Variants in MORN3 observed in about 807,000 individuals in gnomAD.
MORN3 encodes MORN repeat-containing protein 3.
In MORN3, 38 loss-of-function variants were observed where a neutral mutation model predicts 34.7. The ratio of observed to expected loss-of-function variants is 1.10; its 90% CI spans 0.85 to 1.44. The LOEUF (loss-of-function observed/expected upper bound fraction) is 1.44, where lower values mean the gene tolerates loss of function less well. Among genes scored for constraint, MORN3 ranks in the 40% most tolerant of loss-of-function variants. The pLI, the probability that MORN3 is intolerant of heterozygous loss-of-function variation, is 0.00. For missense variants in MORN3, 311 were observed against 321.7 expected (o/e 0.97, Z 0.25); for synonymous variants, 109 against 115.3 (o/e 0.95, Z 0.35).
Position 121,669,217 on chromosome 12 carries a change from C to G in MORN3, c.145+122G>C, listed in dbSNP as rs1420023114. Reference sequence around the variant, plus strand: ...CCAGCTGGCCTGGGCCAGCGCTCACCCTGGGGGAGCCTTGGGGACACATCT... The same window carrying G: ...CCAGCTGGCCTGGGCCAGCGCTCACGCTGGGGGAGCCTTGGGGACACATCT... On this transcript the variant is annotated intron_variant, in intron 1 of 5. Coordinates refer to ENST00000355329, the MANE Select transcript of MORN3 (RefSeq NM_173855.5). 8 of 1,363,802 alleles carry G rather than the reference C, an allele frequency of 5.9e-6. No individual in the cohort carries two copies. The African/African-American group carries it at 1.1e-4, about 19-fold the overall frequency. 84.5% of individuals were successfully genotyped at this position (1,363,802 alleles called of 1,614,324 possible). A position where few individuals can be genotyped will look rare whatever the true frequency, so the allele number is the denominator to read the frequency against.
Position 121,652,085 on chromosome 12 carries a change from TCCCCC to T in MORN3, c.*7-446_*7-442del, listed in dbSNP as rs1555325149. 1.1e-4 allele frequency among the ~76,000 whole-genome samples: 17 copies of T among 151,674 alleles called. No individual in the cohort carries two copies. The East Asian group carries it at 3.3e-3, about 29-fold the overall frequency. ...TGAGTAGCTGGAATTACAGGTGCCC[TCCCCC>T]ACGCCCAGCTAATTTTTGTGTTTTT... On this transcript the variant is annotated intron_variant, in intron 5 of 5. Transcript: ENST00000355329.
intron 4 of MORN3, 109 bp downstream of exon 4, chr12:121,652,966 C>T: frequency 6.9e-7 from 1 of 1,442,010 alleles, no homozygotes; most frequent in East Asian, 2.5e-5. Flanking sequence ...TTGTCTGTTC[C>T]CTGTCTGGGC....
intron 2 of MORN3, among the ~76,000 whole-genome samples, chr12:121,658,683 A>G (rs1893486409): frequency 6.6e-6 from 1 of 151,818 alleles, no homozygotes; most frequent in Admixed American, 6.6e-5. Context: ...GGATTCCTCC[A>G]CACTTGTGGG....
chr12:121,654,221 C>A, intron 3 of MORN3, 53 bp downstream of exon 3: 1 of 1,354,336 alleles, frequency 7.4e-7, no homozygotes, highest in Non-Finnish European at 9.8e-7. Flanking sequence ...GTGGCCAGCT[C>A]GCTGCCGGGG....
chr12:121,670,290 A>G (rs187782993), upstream of MORN3, among the ~76,000 whole-genome samples: 128 of 152,286 alleles, frequency 8.4e-4, no homozygotes, highest in African/African-American at 2.9e-3. Context: ...GGGAGTGGGG[A>G]AACAATCTCA....
chr12:121,660,948 C>A (rs1434599778), intron 1 of MORN3, among the ~76,000 whole-genome samples: 1 of 151,986 alleles, frequency 6.6e-6, no homozygotes, highest in Admixed American at 6.6e-5. Context: ...GGATTACAGG[C>A]GTGAGCCACC....
chr12:121,659,375 G>A, intron 1 of MORN3, 27 bp from the exon 2 acceptor site: 1 of 1,608,940 alleles, frequency 6.2e-7, no homozygotes, highest in Non-Finnish European at 8.5e-7. Flanking sequence ...GGGCAATGCT[G>A]CAGACATGGC....
At chr12:121,661,727 T>TACAAAAAG (rs1364972753) in intron 1 of MORN3, among the ~76,000 whole-genome samples, 1 of 151,940 alleles carries the variant, frequency 6.6e-6, no homozygotes, top group African/African-American at 2.4e-5. Flanking sequence ...AATACAAAAA[T>TACAAAAAG]TAGCTGGGCG....
upstream of MORN3, chr12:121,672,519 C>G (rs746878137): frequency 1.3e-5 from 2 of 152,296 alleles, no homozygotes; most frequent in Non-Finnish European, 2.9e-5. Context: ...AACCAGACGG[C>G]TTGGGGTCAG....
chr12:121,662,812 G>A (rs537803567), intron 1 of MORN3, among the ~76,000 whole-genome samples: 10 of 151,686 alleles, frequency 6.6e-5, no homozygotes, highest in East Asian at 1.9e-4. Context: ...AGGCTGAAGC[G>A]GGCAGATCAC....
At chr12:121,664,600 G>A (rs916811790) in intron 1 of MORN3, among the ~76,000 whole-genome samples, 1 of 152,120 alleles carries the variant, frequency 6.6e-6, no homozygotes, top group African/African-American at 2.4e-5. Context: ...CTCTACTGAA[G>A]ATACAAAAAT....
At chr12:121,664,468 G>T (rs1893679750) in intron 1 of MORN3, among the ~76,000 whole-genome samples, 1 of 152,172 alleles carries the variant, frequency 6.6e-6, no homozygotes. Flanking sequence ...GTTTGAAAAT[G>T]ATGGTTGCAG....
chr12:121,654,553 C>T (rs1555325526), intron 2 of MORN3, 120 bp from the exon 3 acceptor site: 8 of 1,111,058 alleles, frequency 7.2e-6, no homozygotes, highest in African/African-American at 1.6e-5. Flanking sequence ...CTCAGCCCTA[C>T]GTCCAAGCGG....
chr12:121,652,816 G>A lies in MORN3; in HGVS notation c.649-8C>T, dbSNP rs782033663. The A allele has an allele frequency of 6.2e-7, 1 of 1,614,116 alleles. No individual in the cohort carries two copies. The highest frequency in any genetic ancestry group is 8.5e-7 in the Non-Finnish European group (1 of 1,179,954). ...AGGGTCTAGGATTTTGACCTGGAGGGAAATACCAAGAAGTTGGTTTGGAGA... is the reference window on the plus strand; with the variant it reads ...AGGGTCTAGGATTTTGACCTGGAGGAAAATACCAAGAAGTTGGTTTGGAGA... On this transcript the variant is annotated splice_region_variant and splice_polypyrimidine_tract_variant and intron_variant, in intron 4 of 5. Coordinates refer to ENST00000355329, the MANE Select transcript of MORN3 (RefSeq NM_173855.5).
chr12:121,669,088 G>C (rs1357267864), intron 1 of MORN3, among the ~76,000 whole-genome samples: 1 of 152,192 alleles, frequency 6.6e-6, no homozygotes, highest in Non-Finnish European at 1.5e-5. Context: ...AGCCCCGGGG[G>C]CAGGCCAGTT....
chr12:121,662,515 G>A (rs138817397), intron 1 of MORN3, among the ~76,000 whole-genome samples: 1,776 of 152,106 alleles, frequency 0.012, 36 homozygotes, highest in African/African-American at 0.041. Context: ...CAGCACTTTG[G>A]GAGGCCGAGG....
chr12:121,672,265 C>T (rs993775230), upstream of MORN3, among the ~76,000 whole-genome samples: 11 of 151,808 alleles, frequency 7.2e-5, no homozygotes, highest in Non-Finnish European at 1.5e-4. Context: ...TGGAGACCAG[C>T]CTGGGCAACC....
chr12:121,656,732 G>A (rs1893430004), intron 2 of MORN3, among the ~76,000 whole-genome samples: 1 of 151,968 alleles, frequency 6.6e-6, no homozygotes. Flanking sequence ...TGTTGGCCAG[G>A]CTAGTCTCGA....
chr12:121,654,259 G>A lies in MORN3; in HGVS notation c.463+15C>T, dbSNP rs782173492. On this transcript the variant is annotated intron_variant, in intron 3 of 5. Transcript: ENST00000355329. Reference sequence around the variant, plus strand: ...GTGGTCGGGTGGGCGGGGCCGGCGGGGGTGGGGCACTCACTCAGGCGCAGC... The same window carrying A: ...GTGGTCGGGTGGGCGGGGCCGGCGGAGGTGGGGCACTCACTCAGGCGCAGC... 3.9e-6 allele frequency: 6 copies of A among 1,538,796 alleles called. No individual in the cohort carries two copies. The highest frequency in any genetic ancestry group is 5.3e-6 in the Non-Finnish European group (6 of 1,142,210).
Sources: gnomAD v4.1 joint callset for allele counts (sites outside exome capture counted in the v4.1 genomes callset) on GRCh38, gnomAD v4.1.1 for gene constraint, MANE v1.5 for transcripts, NCBI Gene and HGNC (gene_info 2026-07-23, HGNC 2026-07-21) for gene names.